HMCN2: variants seen among roughly 807,000 people sequenced by gnomAD.
HMCN2 encodes hemicentin 2.
In HMCN2, 325 loss-of-function variants were observed where a neutral mutation model predicts 377.5. That is an observed-to-expected ratio of 0.86 (90% CI 0.79 to 0.94). The LOEUF is 0.94. HMCN2 is among the 40% of genes least tolerant of loss of function. HMCN2 has a pLI of 0.00. For missense variants in HMCN2, 4,543 were observed against 4,725.3 expected, an observed-to-expected ratio of 0.96 and a Z score of 1.13; for synonymous variants, 2,007 against 2,046.8, an observed-to-expected ratio of 0.98 and a Z score of 0.53.
chr9:130,328,962 A>G (rs1838284897), intron 22 of HMCN2, among the ~76,000 whole-genome samples: 1 of 152,086 alleles, frequency 6.6e-6, no homozygotes, highest in Non-Finnish European at 1.5e-5. Context: ...TGTTATCTCA[A>G]TTGTCACCTG....
chr9:130,327,896 G>A (rs958064721), intron 22 of HMCN2, among the ~76,000 whole-genome samples: 1 of 152,312 alleles, frequency 6.6e-6, no homozygotes, highest in East Asian at 1.9e-4. Context: ...CAGGTGTCTG[G>A]CGGCTGGGCT....
Position 130,397,657 on chromosome 9 carries a change from T to C in HMCN2, c.11326+2T>C. The C allele has an allele frequency of 7.8e-7, 1 of 1,289,674 alleles. No individual in the cohort carries two copies. Among genetic ancestry groups the C allele is most frequent in the Non-Finnish European group, 1.0e-6 (1 of 988,818 alleles). 79.9% of individuals were successfully genotyped at this position (1,289,674 alleles called of 1,614,324 possible). A position where few individuals can be genotyped will look rare whatever the true frequency, so the allele number is the denominator to read the frequency against. Reference sequence around the variant, plus strand: ...AAGGCCGTGACCTACGGGTCTTGGGTAGGTGGCCTGGGGAAGGCCTTCAGT... The same window carrying C: ...AAGGCCGTGACCTACGGGTCTTGGGCAGGTGGCCTGGGGAAGGCCTTCAGT... On this transcript the variant is annotated splice_donor_variant, in intron 74 of 97. Coordinates refer to ENST00000683500, the MANE Select transcript of HMCN2 (RefSeq NM_001291815.2). LOFTEE classifies it high-confidence loss of function.
Position 130,391,457 on chromosome 9 carries a change from C to G in HMCN2, c.9835C>G (p.Leu3279Val). ...QDMGPHLRFY[L>V]DGGSLVLKGL... Reference sequence around the variant, plus strand: ...CCTCCTTCCCTGTGGCAGGTTCTACCTGGACGGCGGCTCCCTGGTGCTAAA... The same window carrying G: ...CCTCCTTCCCTGTGGCAGGTTCTACGTGGACGGCGGCTCCCTGGTGCTAAA... The change falls in exon 65 of 98, where the codon CTG becomes GTG. Residue 3279 changes from leucine (L) to valine (V), a missense_variant. Leu to Val is a conservative substitution (Grantham distance 32). This residue lies in a region of HMCN2 where 1,073 missense variants were observed against 1,319.5 expected (regional missense o/e 0.81). Coordinates refer to ENST00000683500, the MANE Select transcript of HMCN2 (RefSeq NM_001291815.2). 1.0e-6 allele frequency: 1 copy of G among 987,896 alleles called. No individual in the cohort carries two copies. The highest frequency in any genetic ancestry group is 1.2e-6 in the Non-Finnish European group (1 of 830,210). 61.2% of individuals were successfully genotyped at this position (987,896 alleles called of 1,614,324 possible).
chr9:130,432,680 C>A (rs1370278399), intron 97 of HMCN2, 125 bp downstream of exon 97: 2 of 1,053,180 alleles, frequency 1.9e-6, no homozygotes, highest in Non-Finnish European at 2.7e-6. Context: ...ACGCACGGAG[C>A]CCTGGGGGCA....
intron 1 of HMCN2, among the ~76,000 whole-genome samples, chr9:130,269,277 T>C (rs1293389130): frequency 6.8e-6 from 1 of 146,702 alleles, no homozygotes; most frequent in Admixed American, 6.8e-5. Context: ...TTTTTTTTTT[T>C]TTTTTTTTTG....
intron 75 of HMCN2, among the ~76,000 whole-genome samples, chr9:130,399,001 C>T (rs1318609496): frequency 3.3e-5 from 5 of 151,976 alleles, no homozygotes; most frequent in African/African-American, 9.7e-5. Flanking sequence ...ACCTGTAGTC[C>T]CAGCACTTTG....
intron 44 of HMCN2, among the ~76,000 whole-genome samples, chr9:130,368,998 T>G (rs1840862202): frequency 6.6e-6 from 1 of 151,994 alleles, no homozygotes; most frequent in South Asian, 2.1e-4. Context: ...ACCCAAGCAT[T>G]GGGGGTGGGG....
chr9:130,406,332 A>C, intron 82 of HMCN2, 164 bp downstream of exon 82: 3 of 472,018 alleles, frequency 6.4e-6, no homozygotes. Context: ...GACAGGGCAA[A>C]CCCAGCTGTG....
chr9:130,299,723 TCACCCATCCACC>T lies in HMCN2; in HGVS notation c.1276+455_1276+466del, dbSNP rs56689682. Among the ~76,000 whole-genome samples the T allele has an allele frequency of 8.0e-5, 9 of 112,126 alleles. No homozygotes were observed. The South Asian group carries it at 2.0e-3, about 25-fold the overall frequency. The allele number at this position is 112,126 out of a possible 152,430, so 73.6% of individuals were successfully genotyped here. A position where few individuals can be genotyped will look rare whatever the true frequency, so the allele number is the denominator to read the frequency against. ...TTCATCCATCCACCCACCCATTCACTCACCCATCCACCCACCCATCCACCCACCCATTCACTC... is the reference window on the plus strand; with the variant it reads ...TTCATCCATCCACCCACCCATTCACTCACCCATCCACCCACCCATTCACTC... On this transcript the variant is annotated intron_variant, in intron 8 of 97. Transcript: ENST00000683500.
chr9:130,361,921 G>A lies in HMCN2; in HGVS notation c.5951-87G>A. The A allele has an allele frequency of 1.1e-6, 1 of 872,632 alleles. No homozygotes were observed. Among genetic ancestry groups the A allele is most frequent in the Non-Finnish European group, 1.4e-6 (1 of 726,754 alleles). 54.1% of individuals were successfully genotyped at this position (872,632 alleles called of 1,614,324 possible). A position where few individuals can be genotyped will look rare whatever the true frequency, so the allele number is the denominator to read the frequency against. ...CCTTGTGCTTTTGCTGTGGCTGTGT[G>A]CTCCTGCAGGGGTGCCCAGCCAGGG... On this transcript the variant is annotated intron_variant, in intron 38 of 97. Coordinates refer to ENST00000683500, the MANE Select transcript of HMCN2 (RefSeq NM_001291815.2). This position sits in a 1 kb window ranked among gnomAD's most constrained non-coding sequence, Gnocchi z 4.8.
At chr9:130,316,703 C>T (rs1188938242) in intron 15 of HMCN2, among the ~76,000 whole-genome samples, 4 of 152,236 alleles carry the variant, frequency 2.6e-5, no homozygotes, top group African/African-American at 7.2e-5. Flanking sequence ...CAGAAAGGGT[C>T]ATTCCTGTGG....
chr9:130,320,578 C>T (rs939515066), intron 17 of HMCN2, 127 bp downstream of exon 17: 5 of 152,426 alleles, frequency 3.3e-5, no homozygotes, highest in African/African-American at 1.2e-4. Context: ...CAAACGAATC[C>T]ACAGCCAAAT....
intron 77 of HMCN2, 58 bp downstream of exon 77, chr9:130,401,005 GA>G: frequency 8.1e-7 from 1 of 1,237,414 alleles, no homozygotes; most frequent in Non-Finnish European, 1.0e-6. Context: ...AGAGCAGGCA[GA>G]GGGGGTGAAA....
At chr9:130,327,557 T>C (rs967263445) in intron 22 of HMCN2, 82 bp downstream of exon 22, 16,207 of 151,978 alleles carry the variant, frequency 0.11, 935 homozygotes, top group Middle Eastern at 0.15. Context: ...ACCCAGCGGG[T>C]GTCTTGGACC....
At position 130,360,667 on chromosome 9, in the gene HMCN2, A is replaced by C; in HGVS notation, c.5950+63A>C. On this transcript the variant is annotated intron_variant, in intron 38 of 97. Transcript: ENST00000683500. This position sits in a 1 kb window ranked among gnomAD's most constrained non-coding sequence, Gnocchi z 4.7. The stretch of plus-strand genomic sequence containing the variant: ...AAGTTGTCTTTTCATTCATTTGTCT[A>C]TTAGTCTGTCCATCCACCTGTCCAC... 1 of 1,074,364 alleles carries C rather than the reference A, an allele frequency of 9.3e-7. No individual in the cohort carries two copies. Among genetic ancestry groups the C allele is most frequent in the Non-Finnish European group, 1.2e-6 (1 of 807,922 alleles). The allele number at this position is 1,074,364 out of a possible 1,614,324, so 66.6% of individuals were successfully genotyped here. A position where few individuals can be genotyped will look rare whatever the true frequency, so the allele number is the denominator to read the frequency against.
At chr9:130,385,500 C>T in intron 59 of HMCN2, 60 bp from the exon 60 acceptor site, 8 of 1,202,414 alleles carry the variant, frequency 6.7e-6, no homozygotes, top group Non-Finnish European at 6.7e-6. Flanking sequence ...TTCCCTGTGG[C>T]TGAGTGGGGA....
chr9:130,415,008 C>T (rs1212262131), intron 85 of HMCN2, among the ~76,000 whole-genome samples: 1 of 152,162 alleles, frequency 6.6e-6, no homozygotes, highest in African/African-American at 2.4e-5. Flanking sequence ...CTCTCCCTCC[C>T]AGCCAGGATG....
chr9:130,359,237 A>G, intron 36 of HMCN2, 82 bp from the exon 37 acceptor site: 1 of 672,664 alleles, frequency 1.5e-6, no homozygotes, highest in Non-Finnish European at 2.3e-6. Flanking sequence ...GGGAGCAGGG[A>G]GCAGCACTGC....
In HMCN2 at chr9:130,425,705, G is replaced by C. The variant is rs546907433; in HGVS notation, c.13660G>C (p.Val4554Leu). 7 of 1,318,096 alleles carry C rather than the reference G, an allele frequency of 5.3e-6. No homozygotes were observed. Among genetic ancestry groups the C allele is most frequent in the Admixed American group, 2.4e-5 (1 of 41,002 alleles). 81.7% of individuals were successfully genotyped at this position (1,318,096 alleles called of 1,614,324 possible). A position where few individuals can be genotyped will look rare whatever the true frequency, so the allele number is the denominator to read the frequency against. The change falls in exon 90 of 98, where the codon GTG becomes CTG. Residue 4554 changes from valine (V) to leucine (L), a missense_variant. By Grantham distance (32) the Val-to-Leu change is conservative. Transcript: ENST00000683500. ...CCTGCAGGACTTTGAGGAGCACTAC[G>C]TGCAAACAGGGCCTGGCCAGCTGTT... is the stretch of plus-strand genomic sequence containing the variant. ...LQVQDFEEHY[V>L]QTGPGQLFVG... is the part of the protein sequence containing the mutation.
Sources: gnomAD v4.1 joint callset for allele counts (sites outside exome capture counted in the v4.1 genomes callset) on GRCh38, gnomAD v4.1.1 for gene constraint, gnomAD v4.1.1 regional missense constraint, Gnocchi (gnomAD v3.1) non-coding constraint, MANE v1.5 for transcripts, NCBI Gene and HGNC (gene_info 2026-07-23, HGNC 2026-07-21) for gene names.